The following CSMD3 variants were observed in gnomAD, a reference collection of about 807,000 sequenced individuals.
The protein encoded by CSMD3 is CUB and sushi domain-containing protein 3.
In CSMD3, 177 loss-of-function variants were observed where a neutral mutation model predicts 435.2. The observed-to-expected ratio is 0.41, with a 90% CI of 0.36 to 0.46. CSMD3 has a LOEUF of 0.46. Among genes scored for constraint, CSMD3 ranks in the 20% least tolerant of loss-of-function variants. The probability of loss-of-function intolerance (pLI) is 0.34; values close to 1 mark genes in which losing one functional copy is unlikely to be tolerated. For missense variants in CSMD3, 4,265 were observed against 4,504.6 expected (o/e 0.95, Z 1.52); for synonymous variants, 1,656 against 1,520.5 (o/e 1.09, Z -2.07).
intron 5 of CSMD3, among the ~76,000 whole-genome samples, chr8:113,030,417 T>TAAAAAAAA (rs35890606): frequency 1.2e-4 from 3 of 24,350 alleles, no homozygotes; most frequent in Non-Finnish European, 2.0e-4. Context: ...TTGGTACTGG[T>TAAAAAAAA]AAAAAAAAAA....
rs1041749652 is a variant in CSMD3, at chr8:113,103,263, G to A, written c.710-4300C>T. Among the ~76,000 whole-genome samples, 3 of 152,190 alleles carry A rather than the reference G, an allele frequency of 2.0e-5. No individual in the cohort carries two copies. The East Asian group carries it at 5.8e-4, about 29-fold the overall frequency. On this transcript the variant is annotated intron_variant, in intron 4 of 70. Transcript: ENST00000297405. ...GTTGTGATGGCTTCCGAATGTGGTT[G>A]CTTAACATACAGATAATACAGTGAG...
At chr8:112,312,583 C>G (rs1822093379) in intron 49 of CSMD3, among the ~76,000 whole-genome samples, 1 of 152,010 alleles carries the variant, frequency 6.6e-6, no homozygotes, top group Admixed American at 6.6e-5. Flanking sequence ...AACACGTCTA[C>G]TTTGATTGCA....
intron 8 of CSMD3, among the ~76,000 whole-genome samples, chr8:112,949,674 C>T (rs971990257): frequency 6.6e-5 from 10 of 152,036 alleles, no homozygotes; most frequent in African/African-American, 2.2e-4. Flanking sequence ...TTTCATCCAC[C>T]TACAATACAT....
At chr8:112,514,038 G>T (rs1823420611) in intron 28 of CSMD3, among the ~76,000 whole-genome samples, 1 of 151,998 alleles carries the variant, frequency 6.6e-6, no homozygotes, top group South Asian at 2.1e-4. Flanking sequence ...TCTCTAAAAT[G>T]ATTTTTATTC....
At chr8:113,299,870 G>A (rs1588467468) in intron 2 of CSMD3, among the ~76,000 whole-genome samples, 1 of 152,124 alleles carries the variant, frequency 6.6e-6, no homozygotes, top group East Asian at 1.9e-4. Context: ...GCACATGCCT[G>A]TATTCCCAGC....
chr8:113,427,778 T>TG (rs1235699900), intron 1 of CSMD3, among the ~76,000 whole-genome samples: 3 of 151,680 alleles, frequency 2.0e-5, no homozygotes, highest in African/African-American at 7.2e-5. Context: ...AACACTAGAT[T>TG]GGGGACACTC....
chr8:113,071,488 T>C (rs1416193449), intron 5 of CSMD3, among the ~76,000 whole-genome samples: 1 of 151,968 alleles, frequency 6.6e-6, no homozygotes, highest in African/African-American at 2.4e-5. Context: ...TGAGTTGATA[T>C]TTGCATATGG....
chr8:112,433,509 T>C (rs1292692766), intron 32 of CSMD3, among the ~76,000 whole-genome samples: 2 of 151,368 alleles, frequency 1.3e-5, no homozygotes, highest in Non-Finnish European at 2.9e-5. Flanking sequence ...TAAAATGAAA[T>C]TAGCTGATAT....
chr8:112,866,784 G>A (rs2080996806), intron 10 of CSMD3, among the ~76,000 whole-genome samples: 1 of 152,122 alleles, frequency 6.6e-6, no homozygotes, highest in African/African-American at 2.4e-5. Context: ...TTCTTCTGCT[G>A]CACATGATGT....
intron 24 of CSMD3, among the ~76,000 whole-genome samples, chr8:112,571,069 G>A (rs549743888): frequency 2.0e-5 from 3 of 152,146 alleles, no homozygotes; most frequent in South Asian, 2.1e-4. Context: ...GTGCAATGGC[G>A]CAATCTTGGC....
intron 4 of CSMD3, among the ~76,000 whole-genome samples, chr8:113,146,691 T>A (rs1017421381): frequency 6.6e-6 from 1 of 151,632 alleles, no homozygotes; most frequent in African/African-American, 2.4e-5. Flanking sequence ...AAAGAAGATC[T>A]GGCACTAAAA....
intron 32 of CSMD3, among the ~76,000 whole-genome samples, chr8:112,469,444 T>C (rs1818304275): frequency 6.6e-6 from 1 of 152,116 alleles, no homozygotes; most frequent in Non-Finnish European, 1.5e-5. Context: ...ATCCAATGAA[T>C]GCACTGAGTG....
intron 2 of CSMD3, among the ~76,000 whole-genome samples, chr8:113,287,817 T>C (rs2093657689): frequency 6.6e-6 from 1 of 152,018 alleles, no homozygotes; most frequent in Non-Finnish European, 1.5e-5. Context: ...TTATCACTGG[T>C]ATTTTCCTGC....
rs143645436 is a variant in CSMD3, at chr8:113,382,675, C to T, written c.178+54002G>A. 4.8e-4 allele frequency among the ~76,000 whole-genome samples: 73 copies of T among 152,078 alleles called. 1 individual carries two copies. The South Asian group carries it at 7.3e-3, about 15-fold the overall frequency. On this transcript the variant is annotated intron_variant, in intron 1 of 70. Coordinates refer to ENST00000297405, the MANE Select transcript of CSMD3 (RefSeq NM_198123.2). ...TAAGCATATGGTTACTAGTCACTTC[C>T]GCACAAGAATTTTAAAACAGTTGGC...
intron 32 of CSMD3, among the ~76,000 whole-genome samples, chr8:112,432,346 C>T (rs552803834): frequency 9.2e-5 from 14 of 151,972 alleles, no homozygotes; most frequent in Admixed American, 2.6e-4. Flanking sequence ...CTTTGTTGCC[C>T]AGTCTGGAGT....
At chr8:112,587,683 TACTC>T (rs1207732202) in intron 22 of CSMD3, among the ~76,000 whole-genome samples, 2 of 151,862 alleles carry the variant, frequency 1.3e-5, no homozygotes, top group Non-Finnish European at 2.9e-5. Context: ...TTTCTCCTAA[TACTC>T]AGTATTCCGC....
intron 2 of CSMD3, among the ~76,000 whole-genome samples, chr8:113,299,517 T>C (rs2093747695): frequency 6.6e-6 from 1 of 152,144 alleles, no homozygotes; most frequent in South Asian, 2.1e-4. Context: ...CAAAAGCATA[T>C]TGAGCCTTTA....
At position 113,261,498 on chromosome 8, in the gene CSMD3, C is replaced by T. The variant is rs573970561; in HGVS notation, c.514+17094G>A. Among the ~76,000 whole-genome samples, 3 of 152,210 alleles carry T rather than the reference C, an allele frequency of 2.0e-5. No individual in the cohort carries two copies. In the South Asian group the frequency reaches 6.2e-4, roughly 32 times the overall value. ...CCTTTATCTCAGAGCTGCAACTCTT[C>T]AGTGAACTACCTCCCTTAGCCTCTG... On this transcript the variant is annotated intron_variant, in intron 3 of 70. Coordinates refer to ENST00000297405, the MANE Select transcript of CSMD3 (RefSeq NM_198123.2).
At chr8:113,100,812 A>G (rs1450621792) in intron 4 of CSMD3, among the ~76,000 whole-genome samples, 17 of 152,136 alleles carry the variant, frequency 1.1e-4, no homozygotes, top group Non-Finnish European at 2.9e-5. Context: ...CAATCCATCA[A>G]TTAATATATC....
Sources: allele counts gnomAD v4.1 joint callset (sites outside exome capture counted in the v4.1 genomes callset), GRCh38; gene constraint gnomAD v4.1.1; transcripts MANE v1.5; gene names NCBI Gene and HGNC (gene_info 2026-07-23, HGNC 2026-07-21).